Variants in PPP4R2 observed in about 807,000 individuals in gnomAD.
The protein encoded by PPP4R2 is serine/threonine-protein phosphatase 4 regulatory subunit 2.
A neutral mutation model predicts 47.2 loss-of-function variants in PPP4R2; 13 were observed. That is an observed-to-expected ratio of 0.28 (90% confidence interval 0.18 to 0.44). The LOEUF is 0.44. PPP4R2 is among the 20% of genes least tolerant of loss of function. PPP4R2 has a pLI of 1.00. For missense variants in PPP4R2, 421 were observed against 491.2 expected (o/e 0.86, Z 1.35); for synonymous variants, 151 against 163.3 (o/e 0.92, Z 0.57).
rs60623369 is a variant in PPP4R2 at position 73,007,568 on chromosome 3, GGGTTCAAGCTCCCA to G, written c.116+9420_116+9433del. 6.5e-3 allele frequency among the ~76,000 whole-genome samples: 987 copies of G among 151,554 alleles called. 7 individuals are homozygous for G. The highest frequency in any genetic ancestry group is 0.023 in the African/African-American group (936 of 41,288). ...TGGCTCATTTGAACCTCTGGCTCCC[GGGTTCAAGCTCCCA>G]GGTTCAAGCGATTCTCCTGCCTCAG... On this transcript the variant is annotated intron_variant, in intron 2 of 8. Transcript: ENST00000356692.
At chr3:73,060,133 A>G (rs1702821828) in intron 4 of PPP4R2, among the ~76,000 whole-genome samples, 1 of 152,212 alleles carries the variant, frequency 6.6e-6, no homozygotes, top group African/African-American at 2.4e-5. Flanking sequence ...ATCTGGTTCA[A>G]ATCCACTTTA....
In PPP4R2 at chr3:73,016,729, G is replaced by GTTTC. The variant is rs752008242; in HGVS notation, c.116+18574_116+18575insCTTT. On this transcript the variant is annotated intron_variant, in intron 2 of 8. Transcript: ENST00000356692. ...TGTTAACTAGCTTTATTGGTTCATTGTTTATTTTTATTATTTTTTTTTTTT... is the reference window on the plus strand; with the variant it reads ...TGTTAACTAGCTTTATTGGTTCATTGTTTCTTTATTTTTATTATTTTTTTTTTTT... 1.9e-3 allele frequency among the ~76,000 whole-genome samples: 131 copies of GTTTC among 69,866 alleles called. 21 individuals carry two copies. Among genetic ancestry groups the GTTTC allele is most frequent in the Middle Eastern group, 8.5e-3 (1 of 118 alleles). The allele number at this position is 69,866 out of a possible 152,430, so 45.8% of individuals were successfully genotyped here. A position where few individuals can be genotyped will look rare whatever the true frequency, so the allele number is the denominator to read the frequency against.
chr3:73,065,279 TTGC>T lies in PPP4R2; in HGVS notation c.929-112_929-110del. On this transcript the variant is annotated intron_variant, in intron 8 of 8. Coordinates refer to ENST00000356692, the MANE Select transcript of PPP4R2 (RefSeq NM_174907.4). The stretch of plus-strand genomic sequence containing the variant: ...GGGCTTTTCTCCCACCTGTATGTAG[TTGC>T]TGCTGAATTTCAGGGGATGTGATTT... The T allele has an allele frequency of 2.3e-6, 3 of 1,290,760 alleles. No homozygotes were observed. The South Asian group carries it at 4.7e-5, about 20-fold the overall frequency. 80.0% of individuals were successfully genotyped at this position (1,290,760 alleles called of 1,614,324 possible).
chr3:73,000,813 T>C (rs577506281), intron 2 of PPP4R2, among the ~76,000 whole-genome samples: 2 of 152,358 alleles, frequency 1.3e-5, no homozygotes, highest in South Asian at 4.1e-4. Flanking sequence ...TCATGCTAAA[T>C]ATATAGTATG....
intron 2 of PPP4R2, among the ~76,000 whole-genome samples, chr3:73,044,009 G>C (rs1702433262): frequency 6.6e-6 from 1 of 152,096 alleles, no homozygotes; most frequent in South Asian, 2.1e-4. Flanking sequence ...TTTTGTGTCT[G>C]GCTTATTTCA....
At chr3:73,022,689 T>A (rs1413748695) in intron 2 of PPP4R2, among the ~76,000 whole-genome samples, 1 of 152,172 alleles carries the variant, frequency 6.6e-6, no homozygotes, top group Non-Finnish European at 1.5e-5. Flanking sequence ...ATTATGTTTT[T>A]CTCCACATTT....
chr3:73,049,093 AAG>A (rs1702555074), intron 3 of PPP4R2, among the ~76,000 whole-genome samples: 2 of 152,258 alleles, frequency 1.3e-5, no homozygotes, highest in South Asian at 2.1e-4. Flanking sequence ...TTTTCAGAAA[AAG>A]GAAAAAAAAC....
chr3:73,062,010 G>A, intron 5 of PPP4R2: 1 of 1,094,712 alleles, frequency 9.1e-7, no homozygotes, highest in Non-Finnish European at 1.3e-6. Flanking sequence ...AATATGTTTT[G>A]TTTTGCTCAT....
rs569059387 is a variant in PPP4R2, at chr3:73,002,764, C to T, written c.116+4606C>T. ...TCAAGCGATTTTCCTGCCTCAGCCT[C>T]GTGAGTAGCTGGGATTACAGGCATG... On this transcript the variant is annotated intron_variant, in intron 2 of 8. Coordinates refer to ENST00000356692, the MANE Select transcript of PPP4R2 (RefSeq NM_174907.4). 7.9e-5 allele frequency among the ~76,000 whole-genome samples: 12 copies of T among 150,980 alleles called. No individual in the cohort carries two copies. In the South Asian group the frequency reaches 1.7e-3, roughly 21 times the overall value.
In PPP4R2 at chr3:73,066,330, A is replaced by G. The variant is rs1004834235; in HGVS notation, c.*608A>G. On this transcript the variant is annotated 3_prime_UTR_variant, in exon 9 of 9. Transcript: ENST00000356692. Reference sequence around the variant, plus strand: ...GATGAATACAGTGGATACTTTTTCTATTGGTAATGATTGAGTTCACCTCTT... The same window carrying G: ...GATGAATACAGTGGATACTTTTTCTGTTGGTAATGATTGAGTTCACCTCTT... The G allele has an allele frequency of 4.0e-5, 6 of 150,312 alleles. No homozygotes were observed. Among genetic ancestry groups the G allele is most frequent in the African/African-American group, 4.9e-5 (2 of 40,976 alleles). The allele number at this position is 150,312 out of a possible 1,614,324, so 9.3% of individuals were successfully genotyped here.
chr3:73,055,736 A>G (rs2107327066), intron 3 of PPP4R2, among the ~76,000 whole-genome samples: 1 of 149,470 alleles, frequency 6.7e-6, no homozygotes, highest in African/African-American at 2.5e-5. Context: ...ATCTCGACTC[A>G]CTGCAACTTG....
At chr3:73,045,151 G>A (rs1213446822) in intron 2 of PPP4R2, among the ~76,000 whole-genome samples, 1 of 152,074 alleles carries the variant, frequency 6.6e-6, no homozygotes, top group Non-Finnish European at 1.5e-5. Context: ...ATACCACCAT[G>A]CCTAATTTAA....
chr3:73,050,548 C>T (rs914394635), intron 3 of PPP4R2, among the ~76,000 whole-genome samples: 1 of 151,968 alleles, frequency 6.6e-6, no homozygotes. Flanking sequence ...TACACTCCTC[C>T]CCCCATTTGT....
At chr3:73,011,131 A>C (rs193120461) in intron 2 of PPP4R2, among the ~76,000 whole-genome samples, 1 of 152,330 alleles carries the variant, frequency 6.6e-6, no homozygotes, top group Admixed American at 6.5e-5. Flanking sequence ...GTTGTCTTAC[A>C]TCCTCCTCCT....
At chr3:73,063,635 A>C (rs778681080) in intron 5 of PPP4R2, 38 bp from the exon 6 acceptor site, 1 of 1,298,054 alleles carries the variant, frequency 7.7e-7, no homozygotes, top group South Asian at 1.2e-5. Flanking sequence ...TCTAAAAAAA[A>C]ATTAAGTCAT....
chr3:73,040,077 A>T (rs1702345563), intron 2 of PPP4R2, among the ~76,000 whole-genome samples: 1 of 152,170 alleles, frequency 6.6e-6, no homozygotes, highest in East Asian at 1.9e-4. Flanking sequence ...AAATGTCAGT[A>T]GTGCCAAAAT....
chr3:73,051,022 C>G (rs934973461), intron 3 of PPP4R2, among the ~76,000 whole-genome samples: 1 of 152,178 alleles, frequency 6.6e-6, no homozygotes, highest in Non-Finnish European at 1.5e-5. Flanking sequence ...TCAGGCGATT[C>G]TCCTGCCTCA....
chr3:73,023,956 A>T (rs1474849533), intron 2 of PPP4R2, among the ~76,000 whole-genome samples: 1 of 152,184 alleles, frequency 6.6e-6, no homozygotes, highest in African/African-American at 2.4e-5. Context: ...TTTCTGAATT[A>T]CAAAGTTTCA....
intron 2 of PPP4R2, among the ~76,000 whole-genome samples, chr3:73,043,605 C>G (rs565377106): frequency 6.6e-6 from 1 of 152,292 alleles, no homozygotes; most frequent in South Asian, 2.1e-4. Flanking sequence ...AGCACTCGTT[C>G]ATTATTCATC....
Sources: allele counts gnomAD v4.1 joint callset (sites outside exome capture counted in the v4.1 genomes callset), GRCh38; gene constraint gnomAD v4.1.1; transcripts MANE v1.5; gene names NCBI Gene and HGNC (gene_info 2026-07-23, HGNC 2026-07-21).